SPTB: variants seen among roughly 807,000 people sequenced by gnomAD.
The protein encoded by SPTB is spectrin beta, erythrocytic, also known as spectrin beta chain, erythrocytic.
SPTB carries 45 observed loss-of-function variants against 256.2 expected under a neutral mutation model. The observed-to-expected ratio is 0.18, with a 90% CI of 0.14 to 0.23. The LOEUF is 0.23. SPTB is among the 10% of genes least tolerant of loss of function. The probability of loss-of-function intolerance (pLI) is 1.00; values close to 1 mark genes in which losing one functional copy is unlikely to be tolerated. For synonymous variants in SPTB, 1,231 were observed against 1,243.1 expected (o/e 0.99, Z 0.21); for missense variants, 2,715 against 3,040.4 (o/e 0.89, Z 2.52).
intron 1 of SPTB, among the ~76,000 whole-genome samples, chr14:64,850,729 G>T (rs770628704): frequency 5.3e-5 from 8 of 152,206 alleles, no homozygotes; most frequent in Middle Eastern, 3.2e-3. Context: ...GTGATTTATG[G>T]TGACTCCAGC....
chr14:64,768,960 G>A (rs2082235125), intron 29 of SPTB, 74 bp downstream of exon 29: 1 of 1,215,980 alleles, frequency 8.2e-7, no homozygotes, highest in Non-Finnish European at 1.2e-6. Flanking sequence ...TCCACCCATT[G>A]TGGCACCTCC....
chr14:64,858,530 A>G (rs1483185677), intron 1 of SPTB, among the ~76,000 whole-genome samples: 1 of 152,162 alleles, frequency 6.6e-6, no homozygotes, highest in East Asian at 1.9e-4. Context: ...GGTGACTGGA[A>G]GAAGAGAGGA....
chr14:64,793,329 C>T lies in SPTB; in HGVS notation c.2334G>A (p.Thr778=), dbSNP rs760088421. 34 of 1,609,516 alleles carry T rather than the reference C, an allele frequency of 2.1e-5. No homozygotes were observed. Among genetic ancestry groups the T allele is most frequent in the Admixed American group, 3.3e-5 (2 of 60,018 alleles). The change falls in exon 14 of 36, where the codon ACG becomes ACA. Residue 778 remains threonine (T), a synonymous_variant. Transcript: ENST00000644917. The surrounding 1 kb of genome is among the most constrained non-coding windows in gnomAD (Gnocchi z 7.0). The part of the protein sequence containing the change: ...GEDVGQDEGA[T]RALGKKHKDF... ...CCTTGTGCTTTTTCCCCAGGGCCCGCGTGGCCCCTTCGTCCTGCCCCACAT... is the reference window on the plus strand; with the variant it reads ...CCTTGTGCTTTTTCCCCAGGGCCCGTGTGGCCCCTTCGTCCTGCCCCACAT...
intron 2 of SPTB, among the ~76,000 whole-genome samples, chr14:64,817,383 A>G (rs2083211169): frequency 1.3e-5 from 2 of 152,224 alleles, no homozygotes; most frequent in Non-Finnish European, 2.9e-5. Context: ...ATTTCTGTGG[A>G]TAGTATATTT....
intron 1 of SPTB, among the ~76,000 whole-genome samples, chr14:64,840,182 T>A (rs572139997): frequency 8.5e-5 from 13 of 152,222 alleles, no homozygotes; most frequent in Non-Finnish European, 1.9e-4. Flanking sequence ...TGCTCCATGA[T>A]GTACCCATTC....
intron 33 of SPTB, among the ~76,000 whole-genome samples, chr14:64,750,508 G>GCTAA (rs2081928898): frequency 6.6e-6 from 1 of 151,982 alleles, no homozygotes; most frequent in Non-Finnish European, 1.5e-5. Flanking sequence ...AGGCAAGATG[G>GCTAA]CTAACACTTG....
chr14:64,767,485 G>A, intron 30 of SPTB, 133 bp from the exon 31 acceptor site: 1 of 1,425,220 alleles, frequency 7.0e-7, no homozygotes, highest in Non-Finnish European at 9.8e-7. Context: ...AGCCCCTTCT[G>A]TCCTTTGCAT....
chr14:64,848,750 T>C (rs2083732997), intron 1 of SPTB, among the ~76,000 whole-genome samples: 1 of 152,216 alleles, frequency 6.6e-6, no homozygotes, highest in East Asian at 1.9e-4. Context: ...TTATAGCTTA[T>C]AGGGGAATTC....
intron 1 of SPTB, among the ~76,000 whole-genome samples, chr14:64,843,702 G>A (rs1325646106): frequency 1.3e-5 from 2 of 152,246 alleles, no homozygotes; most frequent in South Asian, 2.1e-4. Context: ...TGAGGACCAC[G>A]ACTGGGAGAG....
Position 64,749,668 on chromosome 14 carries a change from G to A in SPTB, c.6805C>T (p.His2269Tyr). The change falls in exon 35 of 36, where the codon CAT becomes TAT. Residue 2269 changes from histidine to tyrosine, a missense_variant. Transcript: ENST00000644917. The surrounding 1 kb of genome is among the most constrained non-coding windows in gnomAD (Gnocchi z 4.7). The stretch of plus-strand genomic sequence containing the variant: ...CCCGCGCTTACCTCATCCTTGCCAT[G>A]GAAGAGCCACTCGCTGCCATTACTC... ...RLSNGSEWLF[H>Y]GKDEEEMLSW... 1 of 1,613,848 alleles carries A rather than the reference G, an allele frequency of 6.2e-7. No individual in the cohort carries two copies. The highest frequency in any genetic ancestry group is 8.5e-7 in the Non-Finnish European group (1 of 1,179,960).
At chr14:64,865,854 C>T (rs1882152226) in intron 1 of SPTB, among the ~76,000 whole-genome samples, 2 of 152,224 alleles carry the variant, frequency 1.3e-5, no homozygotes, top group Admixed American at 1.3e-4. Flanking sequence ...CCTGCAAACA[C>T]CTTCATTCCT....
chr14:64,791,896 G>T, intron 14 of SPTB, 40 bp from the exon 15 acceptor site: 4 of 1,612,906 alleles, frequency 2.5e-6, no homozygotes, highest in Admixed American at 3.3e-5. Context: ...GGGTGAGGCG[G>T]CAGCAGACAT....
At chr14:64,831,643 C>G (rs2139727545) in intron 1 of SPTB, among the ~76,000 whole-genome samples, 1 of 152,320 alleles carries the variant, frequency 6.6e-6, no homozygotes, top group Non-Finnish European at 1.5e-5. Flanking sequence ...CTCAGGCAGG[C>G]TAAGTGTGGC....
chr14:64,861,307 C>T (rs2139802231), intron 1 of SPTB, among the ~76,000 whole-genome samples: 1 of 151,838 alleles, frequency 6.6e-6, no homozygotes, highest in East Asian at 1.9e-4. Flanking sequence ...GTGCATGTAT[C>T]CCATTTTTTT....
At chr14:64,861,753 T>C (rs2083974792) in intron 1 of SPTB, among the ~76,000 whole-genome samples, 1 of 152,252 alleles carries the variant, frequency 6.6e-6, no homozygotes, top group Admixed American at 6.5e-5. Flanking sequence ...CTGTAGTTCC[T>C]GATCATCGAG....
At chr14:64,879,220 G>A (rs1053510751) in intron 1 of SPTB, among the ~76,000 whole-genome samples, 6 of 152,166 alleles carry the variant, frequency 3.9e-5, no homozygotes, top group African/African-American at 1.2e-4. Context: ...GGTCTACACG[G>A]GGTCACTCTC....
In SPTB at chr14:64,769,114, C is replaced by T. The variant is rs146513976; in HGVS notation, c.5942G>A (p.Arg1981His). 3.9e-4 allele frequency: 632 copies of T among 1,613,690 alleles called. No individual in the cohort carries two copies. The highest frequency in any genetic ancestry group is 4.4e-4 in the Non-Finnish European group (515 of 1,179,978). Residue 1981 changes from arginine to histidine, a missense_variant, in exon 29 of 36, where the codon CGC (arginine) becomes CAC (histidine). By Grantham distance (29) the Arg-to-His change is conservative. Transcript: ENST00000644917. The part of the protein sequence containing the change: ...QRQHQASEEI[R>H]EKLQQVMSRR... ...GGACATCACCTGCTGCAGTTTCTCG[C>T]GGATCTATGGGGAGGAAAGGGAGAA...
rs2081872902 is a variant in SPTB at position 64,747,849 on chromosome 14, C to CTAGT, written c.*1453_*1456dup. Reference sequence around the variant, plus strand: ...CTTGACTGCTCTCTTGGACCTAACCCTAGTTTGATACTGGGCCAGAACTGT... The same window carrying CTAGT: ...CTTGACTGCTCTCTTGGACCTAACCCTAGTTAGTTTGATACTGGGCCAGAACTGT... On this transcript the variant is annotated 3_prime_UTR_variant, in exon 36 of 36. Coordinates refer to ENST00000644917, the MANE Select transcript of SPTB (RefSeq NM_001355436.2). 6.9e-6 allele frequency: 1 copy of CTAGT among 145,942 alleles called. No individual in the cohort carries two copies. The highest frequency in any genetic ancestry group is 6.9e-5 in the Admixed American group (1 of 14,590). The allele number at this position is 145,942 out of a possible 1,614,324, so 9.0% of individuals were successfully genotyped here. A position where few individuals can be genotyped will look rare whatever the true frequency, so the allele number is the denominator to read the frequency against.
At chr14:64,788,158 T>G (rs1001841516) in intron 15 of SPTB, among the ~76,000 whole-genome samples, 2 of 152,004 alleles carry the variant, frequency 1.3e-5, no homozygotes, top group Non-Finnish European at 2.9e-5. Context: ...GAAGGAGCAA[T>G]GGGGTGACAG....
Sources: allele counts gnomAD v4.1 joint callset (sites outside exome capture counted in the v4.1 genomes callset), GRCh38; gene constraint gnomAD v4.1.1; non-coding constraint Gnocchi (gnomAD v3.1); transcripts MANE v1.5; gene names NCBI Gene and HGNC (gene_info 2026-07-23, HGNC 2026-07-21).